BTBD9: variants seen among roughly 807,000 people sequenced by gnomAD.
The protein encoded by BTBD9 is BTB/POZ domain-containing protein 9.
BTBD9 carries 49 observed loss-of-function variants against 64.3 expected under a neutral mutation model. The observed-to-expected ratio is 0.76, with a 90% CI of 0.61 to 0.97. BTBD9 has a LOEUF of 0.97. BTBD9 is among the 50% of genes least tolerant of loss of function. The probability of loss-of-function intolerance (pLI) is 0.00; values close to 1 mark genes in which losing one functional copy is unlikely to be tolerated. For synonymous variants in BTBD9, 260 were observed against 274.7 expected (o/e 0.95, Z 0.53); for missense variants, 598 against 762.1 (o/e 0.78, Z 2.53).
intron 6 of BTBD9, among the ~76,000 whole-genome samples, chr6:38,484,409 A>C (rs549040911): frequency 6.6e-6 from 1 of 152,220 alleles, no homozygotes; most frequent in Non-Finnish European, 1.5e-5. Flanking sequence ...GGGACTGACT[A>C]CTATTTGAGA....
At chr6:38,496,265 T>C (rs1434996174) in intron 6 of BTBD9, among the ~76,000 whole-genome samples, 1 of 152,170 alleles carries the variant, frequency 6.6e-6, no homozygotes, top group Non-Finnish European at 1.5e-5. Context: ...TTATAATATT[T>C]TAAATAATAT....
intron 6 of BTBD9, among the ~76,000 whole-genome samples, chr6:38,398,336 C>T (rs1766776253): frequency 6.6e-6 from 1 of 152,150 alleles, no homozygotes; most frequent in African/African-American, 2.4e-5. Context: ...GTCTCTCTTT[C>T]TTCTCTGTCC....
At chr6:38,557,907 A>G (rs756331060) in intron 6 of BTBD9, among the ~76,000 whole-genome samples, 61 of 152,332 alleles carry the variant, frequency 4.0e-4, no homozygotes, top group Admixed American at 2.5e-3. Flanking sequence ...GATCTTAGAG[A>G]AATTACTTAA....
intron 7 of BTBD9, among the ~76,000 whole-genome samples, chr6:38,318,664 T>C (rs1763117225): frequency 6.6e-6 from 1 of 152,056 alleles, no homozygotes; most frequent in South Asian, 2.1e-4. Flanking sequence ...GGGGGAAGAG[T>C]GACACAAACA....
At chr6:38,509,659 G>T (rs908264498) in intron 6 of BTBD9, among the ~76,000 whole-genome samples, 6 of 152,080 alleles carry the variant, frequency 3.9e-5, no homozygotes, top group African/African-American at 1.4e-4. Flanking sequence ...AAAAGGCATA[G>T]AATTAACACT....
intron 8 of BTBD9, among the ~76,000 whole-genome samples, chr6:38,272,990 T>C (rs1765246127): frequency 6.6e-6 from 1 of 152,294 alleles, no homozygotes; most frequent in East Asian, 1.9e-4. Context: ...CTGAGGTAAG[T>C]ATATGCCAAG....
intron 7 of BTBD9, among the ~76,000 whole-genome samples, chr6:38,324,268 T>G (rs1252347582): frequency 6.6e-6 from 1 of 152,192 alleles, no homozygotes; most frequent in African/African-American, 2.4e-5. Context: ...GAAAATAAAT[T>G]TATAGACCCA....
intron 6 of BTBD9, among the ~76,000 whole-genome samples, chr6:38,355,239 C>G (rs1168471522): frequency 6.6e-6 from 1 of 152,178 alleles, no homozygotes; most frequent in Non-Finnish European, 1.5e-5. Flanking sequence ...AGGGGCTGAG[C>G]AGACATGGGA....
intron 1 of BTBD9, among the ~76,000 whole-genome samples, chr6:38,606,833 T>C (rs1777446744): frequency 1.3e-5 from 2 of 152,140 alleles, no homozygotes; most frequent in Non-Finnish European, 2.9e-5. Flanking sequence ...AGACAGGAAA[T>C]TGAGACACAG....
chr6:38,225,438 G>A lies in BTBD9; in HGVS notation c.1562+30971C>T, dbSNP rs372888175. 1.1e-4 allele frequency among the ~76,000 whole-genome samples: 17 copies of A among 152,322 alleles called. 1 individual carries two copies. The highest frequency in any genetic ancestry group is 4.1e-4 in the African/African-American group (17 of 41,558). On this transcript the variant is annotated intron_variant, in intron 9 of 10. Transcript: ENST00000481247. ...AAAGCTTCCCCAGTGGTAAGATATA[G>A]GAGAGAAGGGGCATTCCCTGGCCCT...
At chr6:38,608,095 A>T (rs1777489680) in intron 1 of BTBD9, among the ~76,000 whole-genome samples, 1 of 152,144 alleles carries the variant, frequency 6.6e-6, no homozygotes, top group African/African-American at 2.4e-5. Flanking sequence ...AGTCACAAAC[A>T]TTCCCCTCAG....
At chr6:38,246,457 C>T (rs746355917) in intron 9 of BTBD9, among the ~76,000 whole-genome samples, 22 of 142,858 alleles carry the variant, frequency 1.5e-4, no homozygotes, top group Admixed American at 2.2e-4. Flanking sequence ...CGCACGTGCA[C>T]GTACGTGTGT....
At chr6:38,567,088 T>G (rs1008262362) in intron 6 of BTBD9, among the ~76,000 whole-genome samples, 4 of 152,216 alleles carry the variant, frequency 2.6e-5, no homozygotes, top group African/African-American at 9.6e-5. Flanking sequence ...AGATTTCTCT[T>G]TCATAGTCTT....
rs147304635 is a variant in BTBD9 at position 38,202,940 on chromosome 6, G to A, written c.1563-10343C>T. On this transcript the variant is annotated intron_variant, in intron 9 of 10. Coordinates refer to ENST00000481247, the MANE Select transcript of BTBD9 (RefSeq NM_001099272.2). ...ATCTGTTGAATAGGAGAAAATACCC[G>A]CAAACTATTCATCTAACAAGGGACT... Among the ~76,000 whole-genome samples the A allele has an allele frequency of 8.6e-3, 1,314 of 152,144 alleles. 25 individuals carry two copies. The highest frequency in any genetic ancestry group is 0.079 in the East Asian group (409 of 5,178).
In BTBD9 at chr6:38,236,516, T is replaced by C. The variant is rs896477881; in HGVS notation, c.1562+19893A>G. ...AAAGACTCATTTGGATTACGACAGT[T>C]AGCCAACACACGCAGGTCTGTAATG... On this transcript the variant is annotated intron_variant, in intron 9 of 10. Coordinates refer to ENST00000481247, the MANE Select transcript of BTBD9 (RefSeq NM_001099272.2). Among the ~76,000 whole-genome samples, 48 of 152,164 alleles carry C rather than the reference T, an allele frequency of 3.2e-4. 1 individual carries two copies. The highest frequency in any genetic ancestry group is 3.1e-3 in the Admixed American group (48 of 15,280).
chr6:38,587,545 G>C lies in BTBD9; in HGVS notation c.814+5031C>G, dbSNP rs932137344. ...TCTTATAACAATTTTTGATAGTTCT[G>C]ATCTTTCCTTTGCAATTCAGTGTAG... On this transcript the variant is annotated intron_variant, in intron 4 of 10. Coordinates refer to ENST00000481247, the MANE Select transcript of BTBD9 (RefSeq NM_001099272.2). 3 of 575,384 alleles carry C rather than the reference G, an allele frequency of 5.2e-6. No homozygotes were observed. In the African/African-American group the frequency reaches 5.6e-5, roughly 11 times the overall value. The allele number at this position is 575,384 out of a possible 1,614,324, so 35.6% of individuals were successfully genotyped here. A position where few individuals can be genotyped will look rare whatever the true frequency, so the allele number is the denominator to read the frequency against.
At chr6:38,380,656 C>G (rs1362852128) in intron 6 of BTBD9, among the ~76,000 whole-genome samples, 2 of 152,098 alleles carry the variant, frequency 1.3e-5, no homozygotes, top group Non-Finnish European at 2.9e-5. Flanking sequence ...ACAGCAAGAC[C>G]CTGTCTCTAA....
chr6:38,488,547 C>T (rs564190195), intron 6 of BTBD9, among the ~76,000 whole-genome samples: 1 of 152,236 alleles, frequency 6.6e-6, no homozygotes, highest in African/African-American at 2.4e-5. Flanking sequence ...CTCCGGGCTC[C>T]TAGGCCACGT....
chr6:38,340,825 C>T (rs1191519571), intron 7 of BTBD9, among the ~76,000 whole-genome samples: 1 of 152,044 alleles, frequency 6.6e-6, no homozygotes, highest in Non-Finnish European at 1.5e-5. Flanking sequence ...ATGTGAACAT[C>T]CAAAACAGAG....
Sources: allele counts gnomAD v4.1 joint callset (sites outside exome capture counted in the v4.1 genomes callset), GRCh38; gene constraint gnomAD v4.1.1; transcripts MANE v1.5; gene names NCBI Gene and HGNC (gene_info 2026-07-23, HGNC 2026-07-21).